The following IL1R2 variants were observed in gnomAD, a reference collection of about 807,000 sequenced individuals.
IL1R2 encodes interleukin-1 receptor type 2.
A neutral mutation model predicts 39.5 loss-of-function variants in IL1R2; 46 were observed. The observed-to-expected ratio is 1.16, with a 90% CI of 0.92 to 1.49. The LOEUF (loss-of-function observed/expected upper bound fraction) is 1.49, where lower values mean the gene tolerates loss of function less well. IL1R2 is among the 40% of genes most tolerant of loss of function. The pLI is 0.00. For synonymous variants in IL1R2, 207 were observed against 189.6 expected, an observed-to-expected ratio of 1.09 and a Z score of -0.75; for missense variants, 537 against 502.0, an observed-to-expected ratio of 1.07 and a Z score of -0.67.
At chr2:102,011,348 CCAA>C (rs1676620449) in intron 3 of IL1R2, among the ~76,000 whole-genome samples, 1 of 152,288 alleles carries the variant, frequency 6.6e-6, no homozygotes, top group Admixed American at 6.5e-5. Context: ...TTTTTCATTC[CCAA>C]CAACAGTGCC....
intron 1 of IL1R2, 121 bp from the exon 2 acceptor site, chr2:102,008,394 G>A: frequency 8.2e-6 from 5 of 610,514 alleles, no homozygotes; most frequent in Non-Finnish European, 1.5e-5. Flanking sequence ...TTCTTAAACA[G>A]AGTAGGCCAA....
At chr2:101,999,296 C>A (rs1017460992) in intron 1 of IL1R2, among the ~76,000 whole-genome samples, 2 of 152,188 alleles carry the variant, frequency 1.3e-5, no homozygotes, top group African/African-American at 4.8e-5. Context: ...AGACAGAAAG[C>A]AAAATTTGTT....
chr2:102,002,451 GTGTCTA>G, intron 1 of IL1R2, among the ~76,000 whole-genome samples: 1 of 118,002 alleles, frequency 8.5e-6, no homozygotes, highest in Admixed American at 8.5e-5. Context: ...ATCTGTGTCT[GTGTCTA>G]TGTCTCTGTC....
intron 8 of IL1R2, among the ~76,000 whole-genome samples, chr2:102,027,938 GCA>G (rs1329307614): frequency 6.6e-6 from 1 of 152,044 alleles, no homozygotes; most frequent in Non-Finnish European, 1.5e-5. Context: ...CATCTTAAAC[GCA>G]CAGTGTCCCA....
At chr2:102,004,239 G>A (rs531058799) in intron 1 of IL1R2, among the ~76,000 whole-genome samples, 3 of 152,036 alleles carry the variant, frequency 2.0e-5, no homozygotes, top group Non-Finnish European at 4.4e-5. Flanking sequence ...ATCCTTTTAG[G>A]CTATATGTAC....
chr2:102,004,643 C>T (rs1346446716), intron 1 of IL1R2, among the ~76,000 whole-genome samples: 1 of 152,162 alleles, frequency 6.6e-6, no homozygotes, highest in Non-Finnish European at 1.5e-5. Context: ...AGAAAGTAGG[C>T]CAGGAGAATA....
At position 102,022,169 on chromosome 2, in the gene IL1R2, T is replaced by A. The variant is rs762532597; in HGVS notation, c.689-18T>A. On this transcript the variant is annotated intron_variant, in intron 5 of 8. Transcript: ENST00000332549. ...AAGGCTTTCCTAACGGAATCTCTTT[T>A]CCTTACATCTTTCTCAGAAAAAAAA... is the stretch of plus-strand genomic sequence containing the variant. 3 of 1,605,004 alleles carry A rather than the reference T, an allele frequency of 1.9e-6. No individual in the cohort carries two copies. The African/African-American group carries it at 4.0e-5, about 21-fold the overall frequency.
chr2:102,016,447 A>G (rs1046469298), intron 4 of IL1R2: 2 of 164,382 alleles, frequency 1.2e-5, no homozygotes, highest in African/African-American at 4.8e-5. Flanking sequence ...TCATAGTGCA[A>G]AATATTACCT....
intron 7 of IL1R2, 33 bp downstream of exon 7, chr2:102,024,701 T>C (rs756933191): frequency 1.2e-6 from 2 of 1,613,366 alleles, no homozygotes; most frequent in Non-Finnish European, 1.7e-6. Context: ...TTGAGAACTC[T>C]GTGGGTTTCG....
chr2:102,024,486 G>A, intron 6 of IL1R2, 47 bp from the exon 7 acceptor site: 1 of 1,408,662 alleles, frequency 7.1e-7, no homozygotes, highest in South Asian at 1.1e-5. Context: ...CTGGTGGGTG[G>A]GAGGTGCTGG....
At chr2:102,009,902 G>A (rs1423033788) in intron 3 of IL1R2, 76 bp downstream of exon 3, 12 of 1,500,734 alleles carry the variant, frequency 8.0e-6, no homozygotes, top group Middle Eastern at 4.1e-4. Context: ...GTCATGATCC[G>A]GATCTCAGAA....
chr2:102,006,792 A>T (rs1577695574), intron 1 of IL1R2, among the ~76,000 whole-genome samples: 1 of 152,236 alleles, frequency 6.6e-6, no homozygotes, highest in African/African-American at 2.4e-5. Context: ...GACTGCTCCC[A>T]CTTCCGGCCC....
At chr2:102,010,967 C>A (rs1417697720) in intron 3 of IL1R2, among the ~76,000 whole-genome samples, 1 of 152,158 alleles carries the variant, frequency 6.6e-6, no homozygotes, top group Non-Finnish European at 1.5e-5. Flanking sequence ...CTCTAGGTAC[C>A]TCGTTTAAAT....
intron 6 of IL1R2, chr2:102,023,760 G>C (rs1265251765): frequency 6.6e-6 from 1 of 152,292 alleles, no homozygotes; most frequent in African/African-American, 2.4e-5. Flanking sequence ...AAAACACAGA[G>C]TTTTTGGCTG....
At chr2:102,004,206 GA>G (rs1200997111) in intron 1 of IL1R2, among the ~76,000 whole-genome samples, 1 of 152,118 alleles carries the variant, frequency 6.6e-6, no homozygotes, top group Non-Finnish European at 1.5e-5. Flanking sequence ...AAAATTAAAT[GA>G]AAAGGTGGAG....
chr2:101,994,662 G>A (rs1675505084), intron 1 of IL1R2, among the ~76,000 whole-genome samples: 1 of 152,246 alleles, frequency 6.6e-6, no homozygotes, highest in Non-Finnish European at 1.5e-5. Context: ...GGCCAAGCCT[G>A]TGGGGGAGCT....
intron 3 of IL1R2, 147 bp downstream of exon 3, chr2:102,009,973 A>C (rs1365966108): frequency 1.3e-5 from 10 of 796,646 alleles, no homozygotes; most frequent in African/African-American, 3.5e-5. Flanking sequence ...TGTTCCTGAC[A>C]CCCCCCCCAA....
At chr2:102,015,535 C>T (rs1454724340) in intron 3 of IL1R2, among the ~76,000 whole-genome samples, 1 of 152,196 alleles carries the variant, frequency 6.6e-6, no homozygotes, top group Non-Finnish European at 1.5e-5. Context: ...ACAACTTAGC[C>T]TAGTCTTCCT....
At chr2:102,019,017 T>C (rs1421157287) in intron 4 of IL1R2, among the ~76,000 whole-genome samples, 2 of 152,180 alleles carry the variant, frequency 1.3e-5, no homozygotes, top group Non-Finnish European at 2.9e-5. Flanking sequence ...CCTGAGAACA[T>C]TGTGTGCTCA....
Sources: gnomAD v4.1 joint callset for allele counts (sites outside exome capture counted in the v4.1 genomes callset) on GRCh38, gnomAD v4.1.1 for gene constraint, MANE v1.5 for transcripts, NCBI Gene and HGNC (gene_info 2026-07-23, HGNC 2026-07-21) for gene names.